Variants in MEI4 observed in about 807,000 individuals in gnomAD.
MEI4 encodes the protein meiosis-specific protein MEI4.
In MEI4, 27 loss-of-function variants were observed where a neutral mutation model predicts 31.4. The ratio of observed to expected loss-of-function variants is 0.86; its 90% CI spans 0.63 to 1.19. The LOEUF is 1.19. Among genes scored for constraint, MEI4 ranks in the 50% most tolerant of loss-of-function variants. The pLI, the probability that MEI4 is intolerant of heterozygous loss-of-function variation, is 0.00. For synonymous variants in MEI4, 122 were observed against 145.4 expected (o/e 0.84, Z 1.16); for missense variants, 329 against 398.9 (o/e 0.82, Z 1.49).
intron 4 of MEI4, among the ~76,000 whole-genome samples, chr6:77,895,106 C>A (rs548009708): frequency 3.9e-4 from 59 of 152,288 alleles, no homozygotes; most frequent in South Asian, 1.7e-3. Flanking sequence ...CATTCTCTCC[C>A]AAGAATACTG....
chr6:77,715,449 A>G (rs1437755270), intron 2 of MEI4, among the ~76,000 whole-genome samples: 3 of 152,212 alleles, frequency 2.0e-5, no homozygotes, highest in African/African-American at 4.8e-5. Context: ...TTTACTAATC[A>G]TAAGAATATA....
chr6:77,663,767 G>T (rs1043276059), intron 1 of MEI4, among the ~76,000 whole-genome samples: 2 of 152,160 alleles, frequency 1.3e-5, no homozygotes, highest in Admixed American at 6.5e-5. Context: ...CCCGAAGCTC[G>T]GGGTCCGTGA....
rs1441688564 is a variant in MEI4, at chr6:77,925,400, T to G, written c.*2054T>G. The G allele has an allele frequency of 6.6e-6, 1 of 151,848 alleles. No individual in the cohort carries two copies. The highest frequency in any genetic ancestry group is 1.5e-5 in the Non-Finnish European group (1 of 67,894). The allele number at this position is 151,848 out of a possible 1,614,324, so 9.4% of individuals were successfully genotyped here. On this transcript the variant is annotated 3_prime_UTR_variant, in exon 5 of 5. Transcript: ENST00000684080. ...TAATTATCCTGGGTTTCAGTCTATA[T>G]CAGAGTGAATGGTGTAGTAAATTAG...
At chr6:77,745,047 G>A (rs1366007373) in intron 2 of MEI4, among the ~76,000 whole-genome samples, 1 of 152,116 alleles carries the variant, frequency 6.6e-6, no homozygotes, top group Non-Finnish European at 1.5e-5. Flanking sequence ...GAGGCTAGGA[G>A]GAAACTGCAT....
chr6:77,659,819 A>C (rs1022178743), intron 1 of MEI4, among the ~76,000 whole-genome samples: 13 of 152,184 alleles, frequency 8.5e-5, no homozygotes, highest in African/African-American at 3.1e-4. Flanking sequence ...GTAAAGGAAC[A>C]TCGAGAAGGT....
chr6:77,775,565 A>G (rs1768418942), intron 3 of MEI4, among the ~76,000 whole-genome samples: 2 of 151,906 alleles, frequency 1.3e-5, no homozygotes, highest in Admixed American at 6.6e-5. Context: ...ATATACCACA[A>G]TTTCTTTATT....
At chr6:77,800,043 T>C (rs1769204067) in intron 3 of MEI4, among the ~76,000 whole-genome samples, 3 of 152,136 alleles carry the variant, frequency 2.0e-5, no homozygotes, top group Non-Finnish European at 4.4e-5. Flanking sequence ...AAGTCATTGG[T>C]AGCTTGATGG....
intron 1 of MEI4, among the ~76,000 whole-genome samples, chr6:77,688,315 G>A (rs1050849253): frequency 2.0e-5 from 3 of 152,062 alleles, no homozygotes; most frequent in African/African-American, 7.2e-5. Context: ...GTTGTTCTGT[G>A]TGTATTTTAA....
chr6:77,850,674 A>G (rs2127718119), intron 4 of MEI4, among the ~76,000 whole-genome samples: 1 of 152,348 alleles, frequency 6.6e-6, no homozygotes, highest in South Asian at 2.1e-4. Context: ...ATCTAAAACC[A>G]TAAAAACACT....
intron 4 of MEI4, among the ~76,000 whole-genome samples, chr6:77,901,602 T>A (rs1766190221): frequency 6.6e-6 from 1 of 152,116 alleles, no homozygotes; most frequent in Non-Finnish European, 1.5e-5. Context: ...TCTTATATAT[T>A]TTTAATATTA....
upstream of MEI4, among the ~76,000 whole-genome samples, chr6:77,652,852 A>C (rs1239374693): frequency 6.6e-6 from 1 of 152,224 alleles, no homozygotes; most frequent in African/African-American, 2.4e-5. Flanking sequence ...AACTGACTAC[A>C]TACGGGTTAT....
At chr6:77,748,020 G>T (rs370898078) in intron 2 of MEI4, among the ~76,000 whole-genome samples, 1 of 152,176 alleles carries the variant, frequency 6.6e-6, no homozygotes, top group African/African-American at 2.4e-5. Flanking sequence ...ACCATGTCTC[G>T]CATCTGCTGA....
intron 2 of MEI4, among the ~76,000 whole-genome samples, chr6:77,703,889 A>G (rs1387835168): frequency 2.6e-5 from 4 of 152,162 alleles, no homozygotes; most frequent in Non-Finnish European, 5.9e-5. Flanking sequence ...CTGGTCCGAG[A>G]ACCACTATTT....
chr6:77,914,882 A>G (rs752219973), intron 4 of MEI4, among the ~76,000 whole-genome samples: 1 of 152,020 alleles, frequency 6.6e-6, no homozygotes, highest in Non-Finnish European at 1.5e-5. Context: ...TTCTCCTGCT[A>G]CTTTTCACTT....
At chr6:77,921,667 C>T (rs537064845) in intron 4 of MEI4, among the ~76,000 whole-genome samples, 4 of 151,954 alleles carry the variant, frequency 2.6e-5, no homozygotes, top group Admixed American at 6.6e-5. Flanking sequence ...AGATAGGCAA[C>T]TCTTTCTTTC....
intron 4 of MEI4, among the ~76,000 whole-genome samples, chr6:77,864,533 C>A (rs535659156): frequency 6.6e-6 from 1 of 152,238 alleles, no homozygotes; most frequent in African/African-American, 2.4e-5. Context: ...AGAGCTAACT[C>A]TTCTAAATAT....
chr6:77,736,819 A>G (rs1030642459), intron 2 of MEI4, among the ~76,000 whole-genome samples: 2 of 152,002 alleles, frequency 1.3e-5, no homozygotes, highest in South Asian at 2.1e-4. Flanking sequence ...ACTAACGTTC[A>G]GAGGAGAGAA....
At chr6:77,700,396 T>G (rs985562775) in intron 2 of MEI4, among the ~76,000 whole-genome samples, 4 of 152,180 alleles carry the variant, frequency 2.6e-5, no homozygotes, top group Non-Finnish European at 5.9e-5. Flanking sequence ...CTCCTAGCCA[T>G]GTGTGGGATA....
intron 2 of MEI4, among the ~76,000 whole-genome samples, chr6:77,758,464 C>T (rs1378167914): frequency 6.6e-6 from 1 of 152,118 alleles, no homozygotes; most frequent in African/African-American, 2.4e-5. Flanking sequence ...ATTAGATTTA[C>T]GAACCATATG....
Sources: gnomAD v4.1 joint callset for allele counts (sites outside exome capture counted in the v4.1 genomes callset) on GRCh38, gnomAD v4.1.1 for gene constraint, MANE v1.5 for transcripts, NCBI Gene and HGNC (gene_info 2026-07-23, HGNC 2026-07-21) for gene names.